The following DIAPH3 variants were observed in gnomAD, a reference collection of about 807,000 sequenced individuals.
DIAPH3 encodes protein diaphanous homolog 3.
A neutral mutation model predicts 144.3 loss-of-function variants in DIAPH3; 117 were observed. The observed-to-expected ratio is 0.81, with a 90% confidence interval of 0.70 to 0.95. DIAPH3 has a LOEUF of 0.95. DIAPH3 is among the 40% of genes least tolerant of loss of function. The pLI is 0.00. For missense variants in DIAPH3, 1,421 were observed against 1,412.7 expected, an observed-to-expected ratio of 1.01 and a Z score of -0.09; for synonymous variants, 519 against 488.9, an observed-to-expected ratio of 1.06 and a Z score of -0.81.
At chr13:59,944,633 T>G (rs565011297) in intron 17 of DIAPH3, among the ~76,000 whole-genome samples, 1 of 152,084 alleles carries the variant, frequency 6.6e-6, no homozygotes, top group South Asian at 2.1e-4. Flanking sequence ...GAAAGAAAAA[T>G]TGATAGATTT....
At chr13:59,935,811 T>G (rs2048237674) in intron 17 of DIAPH3, among the ~76,000 whole-genome samples, 1 of 152,148 alleles carries the variant, frequency 6.6e-6, no homozygotes, top group Non-Finnish European at 1.5e-5. Context: ...CCATAACTAA[T>G]CAGGATATTT....
chr13:59,847,632 T>C (rs1307599593), intron 22 of DIAPH3, among the ~76,000 whole-genome samples: 1 of 152,164 alleles, frequency 6.6e-6, no homozygotes, highest in Non-Finnish European at 1.5e-5. Flanking sequence ...AATAACAATA[T>C]TCAAAATGTT....
chr13:59,678,950 T>C (rs1038780466), intron 27 of DIAPH3, among the ~76,000 whole-genome samples: 2 of 152,228 alleles, frequency 1.3e-5, no homozygotes, highest in Non-Finnish European at 2.9e-5. Context: ...CAACTCAGGA[T>C]AAATAGAAAC....
intron 20 of DIAPH3, among the ~76,000 whole-genome samples, chr13:59,896,665 G>A (rs972466780): frequency 3.3e-5 from 5 of 152,090 alleles, no homozygotes; most frequent in Admixed American, 6.6e-5. Context: ...TACACAACTC[G>A]TTGATTTTAA....
rs529855774 is a variant in DIAPH3 at position 59,810,215 on chromosome 13, A to G, written c.3163+573T>C. ...CACTCTGTCTCCCAGGCTGGAGTGCAGTGTCAAGATCAAGGCATACTGCAG... is the reference window on the plus strand; with the variant it reads ...CACTCTGTCTCCCAGGCTGGAGTGCGGTGTCAAGATCAAGGCATACTGCAG... On this transcript the variant is annotated intron_variant, in intron 25 of 27. Coordinates refer to ENST00000400324, the MANE Select transcript of DIAPH3 (RefSeq NM_001042517.2). Among the ~76,000 whole-genome samples, 9 of 152,164 alleles carry G rather than the reference A, an allele frequency of 5.9e-5. 1 individual carries two copies. In the East Asian group the frequency reaches 1.7e-3, roughly 29 times the overall value.
chr13:60,073,015 G>A (rs1168091651), intron 4 of DIAPH3, among the ~76,000 whole-genome samples: 2 of 152,110 alleles, frequency 1.3e-5, no homozygotes, highest in East Asian at 3.8e-4. Flanking sequence ...GTTGTGTTAT[G>A]ATGAAAATAT....
chr13:59,875,311 C>A (rs559946444), intron 21 of DIAPH3, among the ~76,000 whole-genome samples: 57 of 152,212 alleles, frequency 3.7e-4, no homozygotes, highest in Non-Finnish European at 7.1e-4. Context: ...AAGCAGTCCT[C>A]CATTATTTCT....
At chr13:59,870,042 T>G (rs1375102748) in intron 21 of DIAPH3, among the ~76,000 whole-genome samples, 1 of 152,066 alleles carries the variant, frequency 6.6e-6, no homozygotes, top group East Asian at 1.9e-4. Flanking sequence ...TAAAACGTCA[T>G]AATAAAACCA....
At chr13:60,154,063 A>C (rs1248357717) in intron 1 of DIAPH3, among the ~76,000 whole-genome samples, 1 of 152,142 alleles carries the variant, frequency 6.6e-6, no homozygotes, top group Non-Finnish European at 1.5e-5. Context: ...AAGAACTAAG[A>C]ACAGAATGGC....
At chr13:59,890,492 TTGTTA>T (rs2045719349) in intron 20 of DIAPH3, among the ~76,000 whole-genome samples, 1 of 151,874 alleles carries the variant, frequency 6.6e-6, no homozygotes, top group African/African-American at 2.4e-5. Flanking sequence ...TATATATGTT[TTGTTA>T]TATGTATTCC....
chr13:60,067,869 G>A (rs1022771391), intron 4 of DIAPH3, among the ~76,000 whole-genome samples: 3 of 151,780 alleles, frequency 2.0e-5, no homozygotes, highest in Non-Finnish European at 2.9e-5. Context: ...GTATATATAC[G>A]CTTCTGTATT....
chr13:59,948,827 G>C (rs1388548775), intron 17 of DIAPH3, among the ~76,000 whole-genome samples: 1 of 144,234 alleles, frequency 6.9e-6, no homozygotes. Flanking sequence ...TGCCTTGCTT[G>C]ACATAAAAAG....
intron 21 of DIAPH3, among the ~76,000 whole-genome samples, chr13:59,867,646 T>C (rs1000343040): frequency 2.0e-5 from 3 of 152,126 alleles, no homozygotes; most frequent in Non-Finnish European, 4.4e-5. Flanking sequence ...TGAATTACAG[T>C]GAGTGTAGAA....
At chr13:59,799,566 T>C (rs747864352) in intron 25 of DIAPH3, among the ~76,000 whole-genome samples, 1 of 152,210 alleles carries the variant, frequency 6.6e-6, no homozygotes, top group Non-Finnish European at 1.5e-5. Flanking sequence ...ACCAAAAGTA[T>C]AAGAGCACAT....
chr13:59,773,479 G>C (rs2038227625), intron 27 of DIAPH3, among the ~76,000 whole-genome samples: 1 of 152,130 alleles, frequency 6.6e-6, no homozygotes, highest in Non-Finnish European at 1.5e-5. Flanking sequence ...TTGAAAAACA[G>C]CACCCACAAT....
chr13:59,999,369 G>A (rs1290874123), intron 9 of DIAPH3, among the ~76,000 whole-genome samples: 2 of 151,982 alleles, frequency 1.3e-5, no homozygotes, highest in Admixed American at 6.6e-5. Flanking sequence ...ATGGAAAAAT[G>A]CAATCCCATC....
intron 25 of DIAPH3, among the ~76,000 whole-genome samples, chr13:59,794,419 A>G (rs1381996654): frequency 4.6e-5 from 7 of 152,274 alleles, no homozygotes; most frequent in African/African-American, 1.7e-4. Flanking sequence ...GGATTTCTGT[A>G]TCCCTAAGCA....
chr13:60,109,950 A>G (rs980079368), intron 3 of DIAPH3, among the ~76,000 whole-genome samples: 1 of 152,178 alleles, frequency 6.6e-6, no homozygotes, highest in Admixed American at 6.5e-5. Context: ...AAACGGGGGG[A>G]AAAGTCTTTA....
At chr13:60,038,506 C>T (rs1349123231) in intron 5 of DIAPH3, among the ~76,000 whole-genome samples, 3 of 151,838 alleles carry the variant, frequency 2.0e-5, no homozygotes, top group Non-Finnish European at 1.5e-5. Flanking sequence ...AAATGGATTC[C>T]AAAAACGACA....
Sources: gnomAD v4.1 joint callset for allele counts (sites outside exome capture counted in the v4.1 genomes callset) on GRCh38, gnomAD v4.1.1 for gene constraint, MANE v1.5 for transcripts, NCBI Gene and HGNC (gene_info 2026-07-23, HGNC 2026-07-21) for gene names.